The following RFX3 variants were observed in gnomAD, a reference collection of about 807,000 sequenced individuals.
RFX3 encodes the protein transcription factor RFX3.
Under a neutral mutation model 98.6 loss-of-function variants are expected in RFX3, and 14 were observed. The ratio of observed to expected loss-of-function variants is 0.14; its 90% CI spans 0.09 to 0.22. The LOEUF is 0.22. RFX3 is among the 10% of genes least tolerant of loss of function. The pLI is 1.00. For missense variants in RFX3, 639 were observed against 926.9 expected, an observed-to-expected ratio of 0.69 and a Z score of 4.03; for synonymous variants, 383 against 328.4, an observed-to-expected ratio of 1.17 and a Z score of -1.80.
rs373536655 is a variant in RFX3, at chr9:3,408,847, T to C, written c.-8-13251A>G. ...TTCCACTACTGCCTCTTTTTCCCCG[T>C]CCCTGGCAGAGATGGTGATCGGGTA... On this transcript the variant is annotated intron_variant, in intron 1 of 16. Transcript: ENST00000617270. Among the ~76,000 whole-genome samples, 46 of 152,280 alleles carry C rather than the reference T, an allele frequency of 3.0e-4. 1 individual carries two copies. The East Asian group carries it at 8.3e-3, about 27-fold the overall frequency.
chr9:3,346,786 C>G, intron 2 of RFX3, 22 bp from the exon 3 acceptor site: 1 of 1,487,284 alleles, frequency 6.7e-7, no homozygotes, highest in Non-Finnish European at 9.4e-7. Context: ...GTATTAGGAC[C>G]TTGGTAAGAG....
chr9:3,309,013 G>A (rs749461626), intron 4 of RFX3, among the ~76,000 whole-genome samples: 7 of 152,046 alleles, frequency 4.6e-5, no homozygotes, highest in East Asian at 1.9e-4. Context: ...ATTTGCTTCC[G>A]TTGTACAAAG....
At chr9:3,238,344 G>A (rs1385742054) in intron 15 of RFX3, among the ~76,000 whole-genome samples, 3 of 152,128 alleles carry the variant, frequency 2.0e-5, no homozygotes, top group Non-Finnish European at 4.4e-5. Context: ...TTTATGCACT[G>A]ATCAAGCCAT....
chr9:3,326,917 C>T (rs933308744), intron 4 of RFX3, among the ~76,000 whole-genome samples: 4 of 152,080 alleles, frequency 2.6e-5, no homozygotes, highest in African/African-American at 4.8e-5. Flanking sequence ...AGTGACCCAA[C>T]GGACTATTTC....
intron 1 of RFX3, among the ~76,000 whole-genome samples, chr9:3,429,909 TCCAACCCACGGC>T (rs1844490451): frequency 6.6e-6 from 1 of 152,204 alleles, no homozygotes; most frequent in Non-Finnish European, 1.5e-5. Context: ...AGCAGTGGCT[TCCAACCCACGGC>T]CCACTTGCAG....
intron 2 of RFX3, among the ~76,000 whole-genome samples, chr9:3,369,948 C>T (rs925592164): frequency 1.3e-5 from 2 of 151,496 alleles, no homozygotes; most frequent in African/African-American, 4.8e-5. Flanking sequence ...CCTGCCTCAG[C>T]CTCCCGAGTA....
chr9:3,379,131 G>T (rs1165764273), intron 2 of RFX3, among the ~76,000 whole-genome samples: 1 of 152,154 alleles, frequency 6.6e-6, no homozygotes, highest in Non-Finnish European at 1.5e-5. Context: ...GACTACAGTG[G>T]GAGCAAAGGG....
At chr9:3,366,671 T>C (rs1837121122) in intron 2 of RFX3, among the ~76,000 whole-genome samples, 1 of 149,794 alleles carries the variant, frequency 6.7e-6, no homozygotes, top group Admixed American at 6.6e-5. Context: ...TCTTTCTCTT[T>C]CTCTTTCTTT....
chr9:3,240,177 T>C (rs1819731450), intron 15 of RFX3, among the ~76,000 whole-genome samples: 1 of 152,206 alleles, frequency 6.6e-6, no homozygotes, highest in South Asian at 2.1e-4. Context: ...AAACTCAGCC[T>C]TCCAAGTTGT....
intron 15 of RFX3, among the ~76,000 whole-genome samples, chr9:3,244,253 G>A (rs1820342524): frequency 1.3e-5 from 2 of 151,920 alleles, no homozygotes; most frequent in Admixed American, 6.6e-5. Context: ...TGATCCACCC[G>A]CCTTGTCCTC....
At chr9:3,498,578 G>T (rs979872654) in intron 1 of RFX3, among the ~76,000 whole-genome samples, 3 of 151,998 alleles carry the variant, frequency 2.0e-5, no homozygotes, top group African/African-American at 7.2e-5. Context: ...TTCTTTACGT[G>T]ATATCCTTTT....
intron 7 of RFX3, among the ~76,000 whole-genome samples, chr9:3,280,960 T>A (rs1270507892): frequency 6.6e-6 from 1 of 151,784 alleles, no homozygotes; most frequent in African/African-American, 2.4e-5. Context: ...TAAACTATAT[T>A]TGGAATGTAC....
intron 4 of RFX3, among the ~76,000 whole-genome samples, chr9:3,307,325 T>C (rs1433239434): frequency 1.3e-5 from 2 of 152,138 alleles, no homozygotes; most frequent in African/African-American, 2.4e-5. Flanking sequence ...GAGTGTTCAA[T>C]TATATAGGAT....
intron 4 of RFX3, among the ~76,000 whole-genome samples, chr9:3,308,423 C>G (rs1275728488): frequency 1.3e-5 from 2 of 152,138 alleles, no homozygotes; most frequent in African/African-American, 4.8e-5. Flanking sequence ...GCTGAAATGT[C>G]AGAGTGGCTG....
chr9:3,408,940 C>T (rs1407046850), intron 1 of RFX3, among the ~76,000 whole-genome samples: 1 of 152,140 alleles, frequency 6.6e-6, no homozygotes, highest in African/African-American at 2.4e-5. Context: ...GACAAATTAC[C>T]CATTCAGTCA....
chr9:3,320,002 T>C (rs192155090), intron 4 of RFX3, among the ~76,000 whole-genome samples: 379 of 152,336 alleles, frequency 2.5e-3, no homozygotes, highest in Non-Finnish European at 3.2e-3. Flanking sequence ...AACAGTCTAA[T>C]AAATGAGGAC....
intron 1 of RFX3, among the ~76,000 whole-genome samples, chr9:3,418,754 T>G (rs187116620): frequency 8.5e-5 from 13 of 152,272 alleles, no homozygotes; most frequent in South Asian, 2.1e-4. Flanking sequence ...AAATAGGATA[T>G]CATCATAGAA....
chr9:3,338,600 A>G (rs533059711), intron 3 of RFX3, among the ~76,000 whole-genome samples: 7 of 152,316 alleles, frequency 4.6e-5, no homozygotes, highest in Admixed American at 1.3e-4. Flanking sequence ...GTTGCAACAC[A>G]GAGAGCTAGG....
intron 2 of RFX3, among the ~76,000 whole-genome samples, chr9:3,357,441 G>A (rs1835908989): frequency 6.6e-6 from 1 of 151,830 alleles, no homozygotes. Context: ...TATTTTTGCA[G>A]TTACAATTAC....
Sources: gnomAD v4.1 joint callset for allele counts (sites outside exome capture counted in the v4.1 genomes callset) on GRCh38, gnomAD v4.1.1 for gene constraint, MANE v1.5 for transcripts, NCBI Gene and HGNC (gene_info 2026-07-23, HGNC 2026-07-21) for gene names.